The following DYM variants were observed in gnomAD, a reference collection of about 807,000 sequenced individuals.
The protein encoded by DYM is dymeclin, also known as dyggve-Melchior-Clausen syndrome protein.
Under a neutral mutation model 93.1 loss-of-function variants are expected in DYM, and 78 were observed. The ratio of observed to expected loss-of-function variants is 0.84; its 90% CI spans 0.70 to 1.01. The LOEUF is 1.01. Among genes scored for constraint, DYM ranks in the 50% least tolerant of loss-of-function variants. The pLI, the probability that DYM is intolerant of heterozygous loss-of-function variation, is 0.00. For missense variants in DYM, 789 were observed against 845.0 expected (o/e 0.93, Z 0.82); for synonymous variants, 321 against 319.7 (o/e 1.00, Z -0.04).
chr18:49,258,879 G>GAGAGAT (rs2094444209), intron 11 of DYM, among the ~76,000 whole-genome samples: 1 of 116,142 alleles, frequency 8.6e-6, no homozygotes, highest in Non-Finnish European at 1.7e-5. Context: ...GAGAGAGAGA[G>GAGAGAT]AGAGAGATAG....
chr18:49,098,174 T>G (rs2079760374), intron 16 of DYM, among the ~76,000 whole-genome samples: 1 of 152,222 alleles, frequency 6.6e-6, no homozygotes, highest in Admixed American at 6.5e-5. Context: ...AAATTATTTT[T>G]AAAACCACAA....
At chr18:49,107,350 A>G (rs931755609) in intron 16 of DYM, among the ~76,000 whole-genome samples, 6 of 152,162 alleles carry the variant, frequency 3.9e-5, no homozygotes, top group Admixed American at 3.9e-4. Flanking sequence ...CATGGGTTCA[A>G]ACTTCCTCCT....
intron 11 of DYM, among the ~76,000 whole-genome samples, chr18:49,264,588 T>TG (rs2094540763): frequency 6.6e-6 from 1 of 152,240 alleles, no homozygotes; most frequent in African/African-American, 2.4e-5. Context: ...ATGATCCTGA[T>TG]GAAGCATCGG....
intron 11 of DYM, among the ~76,000 whole-genome samples, chr18:49,261,502 C>G (rs961265481): frequency 2.0e-5 from 3 of 152,184 alleles, no homozygotes; most frequent in African/African-American, 7.2e-5. Flanking sequence ...GAAACCCCGT[C>G]TCTACTAAAA....
At chr18:49,116,181 C>T (rs1449179054) in intron 16 of DYM, 2 of 152,176 alleles carry the variant, frequency 1.3e-5, no homozygotes, top group Admixed American at 1.3e-4. Context: ...TCGTAGTCCT[C>T]CAAGTAATGA....
chr18:49,247,952 A>G (rs2094206288), intron 13 of DYM, among the ~76,000 whole-genome samples: 1 of 152,236 alleles, frequency 6.6e-6, no homozygotes, highest in Non-Finnish European at 1.5e-5. Flanking sequence ...GAAATACAGG[A>G]AGCCAGATTT....
chr18:49,114,539 T>C, intron 16 of DYM: 1 of 985,078 alleles, frequency 1.0e-6, no homozygotes, highest in Non-Finnish European at 1.2e-6. Context: ...TCACCTCCAC[T>C]CTGCTTTTCA....
chr18:49,051,473 G>A (rs1336180899), intron 17 of DYM, among the ~76,000 whole-genome samples: 1 of 152,182 alleles, frequency 6.6e-6, no homozygotes, highest in Non-Finnish European at 1.5e-5. Flanking sequence ...AGACCAGTAA[G>A]GTCTAAAGGT....
intron 14 of DYM, among the ~76,000 whole-genome samples, chr18:49,165,248 C>A (rs916365377): frequency 4.6e-5 from 7 of 151,960 alleles, no homozygotes; most frequent in Non-Finnish European, 8.8e-5. Context: ...TACTTATGTG[C>A]CTAATAAAAG....
Position 49,042,718 on chromosome 18 carries a change from G to A in DYM, c.*1337C>T, listed in dbSNP as rs141885421. 1.1e-3 allele frequency: 169 copies of A among 152,352 alleles called. No individual in the cohort carries two copies. The highest frequency in any genetic ancestry group is 3.9e-3 in the African/African-American group (164 of 41,576). 9.4% of individuals were successfully genotyped at this position (152,352 alleles called of 1,614,324 possible). A position where few individuals can be genotyped will look rare whatever the true frequency, so the allele number is the denominator to read the frequency against. On this transcript the variant is annotated 3_prime_UTR_variant, in exon 18 of 18. Coordinates refer to ENST00000675505, the MANE Select transcript of DYM (RefSeq NM_001353214.3). ...ACTTTTTCTTTGAGAATGAAACTAGGCTCCTTATCTAGACTGTGAAGGGGC... is the reference window on the plus strand; with the variant it reads ...ACTTTTTCTTTGAGAATGAAACTAGACTCCTTATCTAGACTGTGAAGGGGC...
At chr18:49,318,455 TA>T (rs979986925) in intron 8 of DYM, among the ~76,000 whole-genome samples, 1 of 151,674 alleles carries the variant, frequency 6.6e-6, no homozygotes, top group Non-Finnish European at 1.5e-5. Context: ...CCATCTCTAC[TA>T]AAAAAAATTA....
intron 12 of DYM, among the ~76,000 whole-genome samples, chr18:49,257,730 C>A (rs1373602229): frequency 6.6e-6 from 1 of 151,598 alleles, no homozygotes; most frequent in Non-Finnish European, 1.5e-5. Flanking sequence ...TGCCTGTGGT[C>A]CTAGCTGCTC....
rs1600190517 is a variant in DYM at position 49,430,109 on chromosome 18, A to G, written c.140+146T>C. ...AAAGAAAAGCTTATTTTCTACTTTC[A>G]AATCTTTTGGATTTTCTACTGATCT... On this transcript the variant is annotated intron_variant, in intron 2 of 17. Coordinates refer to ENST00000675505, the MANE Select transcript of DYM (RefSeq NM_001353214.3). 3 of 830,732 alleles carry G rather than the reference A, an allele frequency of 3.6e-6. No individual in the cohort carries two copies. In the East Asian group the frequency reaches 7.8e-5, roughly 22 times the overall value. 51.5% of individuals were successfully genotyped at this position (830,732 alleles called of 1,614,324 possible). A position where few individuals can be genotyped will look rare whatever the true frequency, so the allele number is the denominator to read the frequency against.
chr18:49,425,057 T>C (rs1380702701), intron 2 of DYM, among the ~76,000 whole-genome samples: 1 of 152,086 alleles, frequency 6.6e-6, no homozygotes, highest in Non-Finnish European at 1.5e-5. Context: ...AAAGTTCATG[T>C]AGAATCAAAA....
At chr18:49,362,294 T>C (rs960417902) in intron 6 of DYM, among the ~76,000 whole-genome samples, 5 of 152,274 alleles carry the variant, frequency 3.3e-5, no homozygotes, top group Admixed American at 3.3e-4. Context: ...AGCTGGGAGT[T>C]CGAGACCAAC....
At position 49,288,759 on chromosome 18, in the gene DYM, G is replaced by A. The variant is rs376570154; in HGVS notation, c.764-2143C>T. Among the ~76,000 whole-genome samples the A allele has an allele frequency of 3.1e-4, 47 of 151,490 alleles. 1 individual carries two copies. Among genetic ancestry groups the A allele is most frequent in the Non-Finnish European group, 4.7e-4 (32 of 67,896 alleles). On this transcript the variant is annotated intron_variant, in intron 8 of 17. Transcript: ENST00000675505. ...CATGCCACTGCACTCCAGCCTGGGC[G>A]ACAGAGTAAGACTCTGTCTCAAAAA... is the stretch of plus-strand genomic sequence containing the variant.
intron 17 of DYM, among the ~76,000 whole-genome samples, chr18:49,060,321 C>T (rs989487345): frequency 6.6e-6 from 1 of 152,038 alleles, no homozygotes; most frequent in African/African-American, 2.4e-5. Flanking sequence ...CATGCCTTTT[C>T]TGACAGGTCT....
chr18:49,379,808 A>C (rs1568346640), intron 3 of DYM, 50 bp from the exon 4 acceptor site: 1 of 1,399,620 alleles, frequency 7.1e-7, no homozygotes, highest in East Asian at 2.3e-5. Flanking sequence ...AACTAAAATC[A>C]AAGTGAGCTT....
rs182019527 is a variant in DYM, at chr18:49,038,722, A to G, written c.*5333T>C. ...TTTCTTCTTTCTTAGACTCTTTTGC[A>G]ATTCTTAAATCTTCCACTGAATTGA... On this transcript the variant is annotated 3_prime_UTR_variant, in exon 18 of 18. Transcript: ENST00000675505. 7.8e-4 allele frequency among the ~76,000 whole-genome samples: 119 copies of G among 152,184 alleles called. No individual in the cohort carries two copies. The highest frequency in any genetic ancestry group is 1.3e-3 in the Non-Finnish European group (87 of 68,024).
Sources: gnomAD v4.1 joint callset for allele counts (sites outside exome capture counted in the v4.1 genomes callset) on GRCh38, gnomAD v4.1.1 for gene constraint, MANE v1.5 for transcripts, NCBI Gene and HGNC (gene_info 2026-07-23, HGNC 2026-07-21) for gene names.